ALPK3: variants seen among roughly 807,000 people sequenced by gnomAD.
The protein encoded by ALPK3 is alpha kinase 3.
A neutral mutation model predicts 140.0 loss-of-function variants in ALPK3; 102 were observed. That is an observed-to-expected ratio of 0.73 (90% CI 0.62 to 0.86). The LOEUF is 0.86. ALPK3 is among the 40% of genes least tolerant of loss of function. The pLI, the probability that ALPK3 is intolerant of heterozygous loss-of-function variation, is 0.00. For missense variants in ALPK3, 2,254 were observed against 2,208.2 expected (o/e 1.02, Z -0.42); for synonymous variants, 938 against 898.5 (o/e 1.04, Z -0.79).
In ALPK3 at chr15:84,844,005, T is replaced by C. The variant is rs148137877; in HGVS notation, c.1653+3073T>C. ...CAGCACTTTGGGAAGCTAAGGTGGG[T>C]GGATAACAAGCTCAGGAGTTCAAGA... On this transcript the variant is annotated intron_variant, in intron 5 of 13. Transcript: ENST00000258888. Among the ~76,000 whole-genome samples, 101 of 151,900 alleles carry C rather than the reference T, an allele frequency of 6.6e-4. 1 individual carries two copies. In the East Asian group the frequency reaches 0.014, roughly 22 times the overall value.
Position 84,868,407 on chromosome 15 carries a change from G to C in ALPK3, c.5069G>C (p.Gly1690Ala). ...ASEPVTTQLL[G>A]QPPTQEEGSK... ...GAGCCAGTCACCACTCAGTTGTTGG[G>C]ACAGCCTCCCACCCAAGAGGAGGGC... Residue 1690 changes from glycine (G) to alanine (A), a missense_variant, in exon 14 of 14, where the codon GGA (glycine) becomes GCA (alanine). Gly to Ala is a moderately conservative substitution (Grantham distance 60). This residue lies in a region of ALPK3 where 158 missense variants were observed against 159.8 expected (regional missense o/e 0.99). Coordinates refer to ENST00000258888, the MANE Select transcript of ALPK3 (RefSeq NM_020778.5). The C allele has an allele frequency of 6.2e-7, 1 of 1,612,684 alleles. No homozygotes were observed. Among genetic ancestry groups the C allele is most frequent in the Non-Finnish European group, 8.5e-7 (1 of 1,180,006 alleles).
intron 1 of ALPK3, among the ~76,000 whole-genome samples, chr15:84,823,057 C>G (rs1266769513): frequency 6.6e-6 from 1 of 152,248 alleles, no homozygotes; most frequent in Non-Finnish European, 1.5e-5. Context: ...TGGGACACAC[C>G]TTTCTCAAAG....
In ALPK3 at chr15:84,857,837, C is replaced by T. The variant is rs770264913; in HGVS notation, c.3099C>T (p.Ser1033=). ...AGAGTGCACAGACCCTGCTGCTGAGCCCCTGTACCTCCCGCCGCCTCACCG... is the reference window on the plus strand; with the variant it reads ...AGAGTGCACAGACCCTGCTGCTGAGTCCCTGTACCTCCCGCCGCCTCACCG... ...LVQSAQTLLL[S]PCTSRRLTGL... Residue 1033 remains serine, a synonymous_variant, in exon 6 of 14, where the codon AGC becomes AGT. Coordinates refer to ENST00000258888, the MANE Select transcript of ALPK3 (RefSeq NM_020778.5). 1 of 1,611,570 alleles carries T rather than the reference C, an allele frequency of 6.2e-7. No homozygotes were observed. Among genetic ancestry groups the T allele is most frequent in the African/African-American group, 1.3e-5 (1 of 75,040 alleles).
intron 3 of ALPK3, among the ~76,000 whole-genome samples, chr15:84,829,904 G>A (rs1046431204): frequency 7.2e-5 from 11 of 152,336 alleles, no homozygotes; most frequent in Admixed American, 6.5e-4. Context: ...GCTGTGTCCT[G>A]AGGACATGGT....
At chr15:84,861,847 T>C (rs1963949143) in intron 9 of ALPK3, among the ~76,000 whole-genome samples, 1 of 152,194 alleles carries the variant, frequency 6.6e-6, no homozygotes, top group Admixed American at 6.5e-5. Context: ...AGGGAGGAGA[T>C]TGGATTCTTT....
chr15:84,850,608 A>C (rs1465904298), intron 5 of ALPK3, among the ~76,000 whole-genome samples: 3 of 151,310 alleles, frequency 2.0e-5, no homozygotes, highest in Non-Finnish European at 4.4e-5. Context: ...GCTGGTTTTG[A>C]ACTTTGGGCC....
At position 84,829,743 on chromosome 15, in the gene ALPK3, A is replaced by G. The variant is rs377154824; in HGVS notation, c.304+2138A>G. On this transcript the variant is annotated intron_variant, in intron 3 of 13. Coordinates refer to ENST00000258888, the MANE Select transcript of ALPK3 (RefSeq NM_020778.5). ...ACCCAGGGGTGTGCTTTTTACTATT[A>G]CAATGAGCAAAGGGTGAGTTTGAGG... Among the ~76,000 whole-genome samples, 8 of 152,322 alleles carry G rather than the reference A, an allele frequency of 5.3e-5. No homozygotes were observed. The South Asian group carries it at 1.0e-3, about 20-fold the overall frequency.
chr15:84,845,769 G>A (rs1963723569), intron 5 of ALPK3, among the ~76,000 whole-genome samples: 1 of 152,186 alleles, frequency 6.6e-6, no homozygotes, highest in South Asian at 2.1e-4. Flanking sequence ...GATCCAAATA[G>A]CACTGCAGGC....
intron 5 of ALPK3, among the ~76,000 whole-genome samples, chr15:84,842,029 GGTTT>G (rs1201539158): frequency 1.3e-5 from 2 of 152,046 alleles, no homozygotes; most frequent in Admixed American, 1.3e-4. Context: ...TTCTTTCTTT[GGTTT>G]GTTTATTTGT....
At position 84,840,889 on chromosome 15, in the gene ALPK3, A is replaced by C. The variant is rs1299689534; in HGVS notation, c.1610A>C (p.Asp537Ala). 1 of 1,612,334 alleles carries C rather than the reference A, an allele frequency of 6.2e-7. No homozygotes were observed. Among genetic ancestry groups the C allele is most frequent in the South Asian group, 1.1e-5 (1 of 90,848 alleles). ...GCCCGGCGGAGACATGGCACCCGGG[A>C]CAGCACGTTGCAGGGGCAAGCAGGC... Reference protein sequence around the residue: ...PPARRRHGTRDSTLQGQAGHR... With the variant: ...PPARRRHGTRASTLQGQAGHR... Residue 537 changes from aspartate to alanine, a missense_variant, in exon 5 of 14, where the codon GAC (aspartate) becomes GCC (alanine). Asp to Ala is a moderately radical substitution (Grantham distance 126, BLOSUM62 -2). Coordinates refer to ENST00000258888, the MANE Select transcript of ALPK3 (RefSeq NM_020778.5).
Position 84,840,860 on chromosome 15 carries a change from C to T in ALPK3, c.1581C>T (p.Pro527=). The T allele has an allele frequency of 3.7e-6, 6 of 1,613,964 alleles. No homozygotes were observed. The highest frequency in any genetic ancestry group is 5.1e-6 in the Non-Finnish European group (6 of 1,179,958). Residue 527 remains proline, a synonymous_variant, in exon 5 of 14, where the codon CCC becomes CCT. Coordinates refer to ENST00000258888, the MANE Select transcript of ALPK3 (RefSeq NM_020778.5). Reference sequence around the variant, plus strand: ...AGGCCTCTGTGCAGGTGCCGACGCCCCCTGCCCGGCGGAGACATGGCACCC... The same window carrying T: ...AGGCCTCTGTGCAGGTGCCGACGCCTCCTGCCCGGCGGAGACATGGCACCC... ...PPQASVQVPT[P]PARRRHGTRD... is the part of the protein sequence containing the mutation.
At chr15:84,853,566 A>T (rs1400706934) in intron 5 of ALPK3, among the ~76,000 whole-genome samples, 1 of 152,170 alleles carries the variant, frequency 6.6e-6, no homozygotes, top group African/African-American at 2.4e-5. Flanking sequence ...GTCAGCCAAG[A>T]TCATGCCAGT....
In ALPK3 at chr15:84,862,708, G is replaced by A. The variant is rs1963961263; in HGVS notation, c.4203G>A (p.Lys1401=). Residue 1401 remains lysine, a synonymous_variant, in exon 10 of 14, where the codon AAG becomes AAA. Transcript: ENST00000258888. ...CTGACTCTGGCTGCTGGGGGGACAA[G>A]CTCTTTGGGCGACTGGTAAGCGAGG... ...GLADSGCWGD[K]LFGRLVSEEL... is the part of the protein sequence containing the mutation. 3 of 1,614,204 alleles carry A rather than the reference G, an allele frequency of 1.9e-6. No individual in the cohort carries two copies. The highest frequency in any genetic ancestry group is 2.5e-6 in the Non-Finnish European group (3 of 1,180,036).
chr15:84,828,025 A>G (rs1963508313), intron 3 of ALPK3, among the ~76,000 whole-genome samples: 1 of 152,192 alleles, frequency 6.6e-6, no homozygotes, highest in South Asian at 2.1e-4. Context: ...GATTCTGACT[A>G]CAGACCCTGG....
Position 84,857,181 on chromosome 15 carries a change from G to A in ALPK3, c.2443G>A (p.Gly815Arg). ...TGAGGGGAGTGTGGAGCAGGTGGGA[G>A]GAGAGAGATGCCGAGGGCCACAGTC... ...PHEGSVEQVG[G>R]ERCRGPQSSG... Residue 815 changes from glycine to arginine, a missense_variant, in exon 6 of 14, where the codon GGA (glycine) becomes AGA (arginine). Gly to Arg is a moderately radical substitution (Grantham distance 125, BLOSUM62 -2). Transcript: ENST00000258888. The A allele has an allele frequency of 3.1e-6, 5 of 1,613,874 alleles. No individual in the cohort carries two copies. The highest frequency in any genetic ancestry group is 3.3e-4 in the Middle Eastern group (2 of 6,062).
In ALPK3 at chr15:84,823,383, CACT is replaced by C; in HGVS notation, c.182+18_182+20del. 4 of 1,613,986 alleles carry C rather than the reference CACT, an allele frequency of 2.5e-6. No homozygotes were observed. In the South Asian group the frequency reaches 4.4e-5, roughly 18 times the overall value. ...AGCTCTGGAAGGTAAATGCATATTG[CACT>C]ACATTTCTCTGACTGCTTTTTCCTT... On this transcript the variant is annotated intron_variant, in intron 2 of 13. Coordinates refer to ENST00000258888, the MANE Select transcript of ALPK3 (RefSeq NM_020778.5).
chr15:84,865,074 A>T (rs2289137), intron 12 of ALPK3, among the ~76,000 whole-genome samples: 26,815 of 152,158 alleles, frequency 0.18, 2,584 homozygotes, highest in Non-Finnish European at 0.22. Context: ...TTAGCCCAGT[A>T]GCTTTACTGT....
At chr15:84,834,618 C>A (rs965930586) in intron 3 of ALPK3, among the ~76,000 whole-genome samples, 3 of 152,208 alleles carry the variant, frequency 2.0e-5, no homozygotes, top group African/African-American at 7.2e-5. Flanking sequence ...ATTCATTATT[C>A]TTTTGAATCG....
Position 84,838,634 on chromosome 15 carries a change from ATTAT to A in ALPK3, c.305-344_305-341del, listed in dbSNP as rs750338655. ...TATTATTATTATTATTATTATTATT[ATTAT>A]TGAGATGGAGTCTCACTATCGCCTA... On this transcript the variant is annotated intron_variant, in intron 3 of 13. Coordinates refer to ENST00000258888, the MANE Select transcript of ALPK3 (RefSeq NM_020778.5). Among the ~76,000 whole-genome samples the A allele has an allele frequency of 6.7e-3, 488 of 72,648 alleles. 8 individuals carry two copies. Among genetic ancestry groups the A allele is most frequent in the East Asian group, 0.056 (47 of 840 alleles). The allele number at this position is 72,648 out of a possible 152,430, so 47.7% of individuals were successfully genotyped here.
Sources: allele counts gnomAD v4.1 joint callset (sites outside exome capture counted in the v4.1 genomes callset), GRCh38; gene constraint gnomAD v4.1.1; regional missense constraint gnomAD v4.1.1; transcripts MANE v1.5; gene names NCBI Gene and HGNC (gene_info 2026-07-23, HGNC 2026-07-21).